Variants in NWD2 observed in about 807,000 individuals in gnomAD.
NWD2 encodes NACHT and WD repeat domain-containing protein 2.
A neutral mutation model predicts 132.7 loss-of-function variants in NWD2; 37 were observed. The ratio of observed to expected loss-of-function variants is 0.28; its 90% CI spans 0.21 to 0.37. The LOEUF is 0.37. NWD2 is among the 10% of genes least tolerant of loss of function. The pLI is 1.00. For missense variants in NWD2, 1,592 were observed against 2,122.4 expected (o/e 0.75, Z 4.91); for synonymous variants, 705 against 803.0 (o/e 0.88, Z 2.06).
intron 1 of NWD2, among the ~76,000 whole-genome samples, chr4:37,246,141 C>T (rs35746206): frequency 0.16 from 24,684 of 152,128 alleles, 2,537 homozygotes; most frequent in South Asian, 0.35. Flanking sequence ...GGGAGACTGA[C>T]AGAGGTGAAA....
chr4:37,363,859 C>G (rs1012216116), intron 3 of NWD2, among the ~76,000 whole-genome samples: 1 of 152,072 alleles, frequency 6.6e-6, no homozygotes, highest in Admixed American at 6.5e-5. Flanking sequence ...CGCAGTGGCT[C>G]AGGCCTGTAA....
At chr4:37,273,499 A>G (rs1050179319) in intron 1 of NWD2, among the ~76,000 whole-genome samples, 15 of 152,204 alleles carry the variant, frequency 9.9e-5, no homozygotes, top group African/African-American at 1.4e-4. Context: ...TTAACACCCC[A>G]CTGTTAACAT....
At chr4:37,306,140 T>C (rs552584287) in intron 1 of NWD2, among the ~76,000 whole-genome samples, 1 of 152,250 alleles carries the variant, frequency 6.6e-6, no homozygotes, top group African/African-American at 2.4e-5. Flanking sequence ...GCATTATGCA[T>C]AATAGTCTGT....
chr4:37,274,592 T>A (rs1052063921), intron 1 of NWD2, among the ~76,000 whole-genome samples: 1 of 152,166 alleles, frequency 6.6e-6, no homozygotes, highest in African/African-American at 2.4e-5. Context: ...GAGGCCAGCA[T>A]CATCCTGATA....
chr4:37,347,564 C>A (rs1719660794), intron 2 of NWD2, among the ~76,000 whole-genome samples: 1 of 152,234 alleles, frequency 6.6e-6, no homozygotes, highest in East Asian at 1.9e-4. Context: ...GATCTGTTTA[C>A]AATTTATACC....
intron 2 of NWD2, among the ~76,000 whole-genome samples, chr4:37,340,994 C>G (rs182940686): frequency 9.5e-4 from 144 of 152,276 alleles, no homozygotes; most frequent in African/African-American, 3.3e-3. Flanking sequence ...TACCATACAG[C>G]CTCGTTTGTT....
chr4:37,282,406 A>G (rs1389642679), intron 1 of NWD2, among the ~76,000 whole-genome samples: 3 of 152,210 alleles, frequency 2.0e-5, no homozygotes, highest in African/African-American at 4.8e-5. Context: ...TTAGAAAAGC[A>G]TGTTGAGACT....
intron 3 of NWD2, among the ~76,000 whole-genome samples, chr4:37,430,153 C>G (rs948102140): frequency 1.3e-5 from 2 of 152,050 alleles, no homozygotes; most frequent in Non-Finnish European, 2.9e-5. Flanking sequence ...GAATCTGAAG[C>G]TTAGAATTAT....
chr4:37,445,370 G>C lies in NWD2; in HGVS notation c.3382G>C (p.Gly1128Arg). The change falls in exon 7 of 7, where the codon GGG (glycine) becomes CGG (arginine). Residue 1128 changes from glycine to arginine, a missense_variant. Gly to Arg is a moderately radical substitution (Grantham distance 125). This residue lies in a region of NWD2 where 1,071 missense variants were observed against 1,398.0 expected (regional missense o/e 0.77). Transcript: ENST00000309447. The surrounding 1 kb of genome is among the most constrained non-coding windows in gnomAD (Gnocchi z 4.7). ...YLNTTTIFHL[G>R]SGEKLCTVTS... ...GAACACAACCACCATATTTCATTTA[G>C]GGAGTGGAGAAAAGTTATGTACAGT... 1 of 1,552,182 alleles carries C rather than the reference G, an allele frequency of 6.4e-7. No individual in the cohort carries two copies. Among genetic ancestry groups the C allele is most frequent in the Non-Finnish European group, 8.7e-7 (1 of 1,147,104 alleles).
At chr4:37,325,694 G>T (rs1260964761) in intron 1 of NWD2, among the ~76,000 whole-genome samples, 3 of 152,114 alleles carry the variant, frequency 2.0e-5, no homozygotes, top group Non-Finnish European at 1.5e-5. Flanking sequence ...TCTCAGCCCT[G>T]CCAGCATACA....
At chr4:37,301,095 G>A (rs543764965) in intron 1 of NWD2, among the ~76,000 whole-genome samples, 1 of 152,066 alleles carries the variant, frequency 6.6e-6, no homozygotes, top group East Asian at 1.9e-4. Context: ...ACATAATTTT[G>A]TTGGTTATTC....
In NWD2 at chr4:37,385,597, G is replaced by A. The variant is rs140125808; in HGVS notation, c.357+29115G>A. Among the ~76,000 whole-genome samples, 276 of 152,292 alleles carry A rather than the reference G, an allele frequency of 1.8e-3. 4 individuals are homozygous for A. The highest frequency in any genetic ancestry group is 5.8e-3 in the African/African-American group (243 of 41,560). ...TTGAATAGGGGTGAAAAACCGGAAA[G>A]TGTTACTACAGTGAGGGTCCCCTCA... On this transcript the variant is annotated intron_variant, in intron 3 of 6. Transcript: ENST00000309447.
At chr4:37,389,407 C>G (rs1429107294) in intron 3 of NWD2, among the ~76,000 whole-genome samples, 1 of 152,188 alleles carries the variant, frequency 6.6e-6, no homozygotes, top group Non-Finnish European at 1.5e-5. Context: ...TACAAACTTT[C>G]AATATTTTAC....
At chr4:37,287,960 C>A (rs1027636817) in intron 1 of NWD2, among the ~76,000 whole-genome samples, 5 of 152,164 alleles carry the variant, frequency 3.3e-5, no homozygotes, top group Admixed American at 3.3e-4. Flanking sequence ...TACATATAGA[C>A]CATGGAATAT....
At position 37,445,313 on chromosome 4, in the gene NWD2, G is replaced by C. The variant is rs1712604872; in HGVS notation, c.3325G>C (p.Asp1109His). 5.2e-6 allele frequency: 8 copies of C among 1,551,974 alleles called. No individual in the cohort carries two copies. In the South Asian group the frequency reaches 8.3e-5, roughly 16 times the overall value. Reference sequence around the variant, plus strand: ...AGTGACGTGCGTCCAGTGCTCCCTGGATGGTCTGTATGCTTTCTGTGGCCA... The same window carrying C: ...AGTGACGTGCGTCCAGTGCTCCCTGCATGGTCTGTATGCTTTCTGTGGCCA... ...YEVTCVQCSL[D>H]GLYAFCGQYL... Residue 1109 changes from aspartate (D) to histidine (H), a missense_variant, in exon 7 of 7, where the codon GAT (aspartate) becomes CAT (histidine). Physicochemically the swap from Asp to His is moderately conservative, Grantham distance 81. Transcript: ENST00000309447. This position sits in a 1 kb window ranked among gnomAD's most constrained non-coding sequence, Gnocchi z 4.7.
At chr4:37,392,430 G>C (rs1370180799) in intron 3 of NWD2, among the ~76,000 whole-genome samples, 5 of 152,018 alleles carry the variant, frequency 3.3e-5, no homozygotes, top group Non-Finnish European at 7.4e-5. Flanking sequence ...CTCTGCGGCG[G>C]GGGCTGCTGT....
intron 1 of NWD2, among the ~76,000 whole-genome samples, chr4:37,311,288 A>G (rs556180530): frequency 3.1e-4 from 47 of 152,260 alleles, no homozygotes; most frequent in African/African-American, 1.1e-3. Context: ...CATCCTCTCC[A>G]GCACCTGTTG....
intron 1 of NWD2, among the ~76,000 whole-genome samples, chr4:37,268,308 GT>G (rs1050262365): frequency 6.6e-6 from 1 of 151,924 alleles, no homozygotes; most frequent in Non-Finnish European, 1.5e-5. Context: ...AACTTTTAAG[GT>G]TTTGGTTTAA....
chr4:37,276,198 C>T (rs937465390), intron 1 of NWD2, among the ~76,000 whole-genome samples: 3 of 152,142 alleles, frequency 2.0e-5, no homozygotes, highest in Non-Finnish European at 4.4e-5. Flanking sequence ...GCAATCTACT[C>T]ATCTGACAGA....
Sources: allele counts gnomAD v4.1 joint callset (sites outside exome capture counted in the v4.1 genomes callset), GRCh38; gene constraint gnomAD v4.1.1; regional missense constraint gnomAD v4.1.1; non-coding constraint Gnocchi (gnomAD v3.1); transcripts MANE v1.5; gene names NCBI Gene and HGNC (gene_info 2026-07-23, HGNC 2026-07-21).